Variants in SASH1 observed in about 807,000 individuals in gnomAD.
SASH1 encodes SAM and SH3 domain containing 1, also known as SAM and SH3 domain-containing protein 1.
A neutral mutation model predicts 125.2 loss-of-function variants in SASH1; 44 were observed. That is an observed-to-expected ratio of 0.35 (90% CI 0.28 to 0.45). The LOEUF is 0.45. SASH1 is among the 20% of genes least tolerant of loss of function. SASH1 has a pLI of 1.00. For missense variants in SASH1, 1,426 were observed against 1,614.5 expected (o/e 0.88, Z 2.00); for synonymous variants, 639 against 649.1 (o/e 0.98, Z 0.24).
rs1388780458 is a variant in SASH1, at chr6:148,542,874, G to GTA, written c.2210-805_2210-804insAT. ...ACAGTGTGTGTGTGTGTGTGTGTGT[G>GTA]TGTGTGCGCGCGCACATGTAAGTAC... On this transcript the variant is annotated intron_variant, in intron 17 of 19. Coordinates refer to ENST00000367467, the MANE Select transcript of SASH1 (RefSeq NM_015278.5). Among the ~76,000 whole-genome samples, 17 of 151,752 alleles carry GTA rather than the reference G, an allele frequency of 1.1e-4. 1 individual carries two copies. The East Asian group carries it at 2.5e-3, about 23-fold the overall frequency.
intron 1 of SASH1, 137 bp downstream of exon 1, chr6:148,343,360 G>A (rs975682927): frequency 3.3e-5 from 23 of 703,832 alleles, no homozygotes; most frequent in African/African-American, 3.1e-4. Context: ...GTTCTTAGGG[G>A]GCTAAATACA....
At chr6:148,456,366 G>C (rs1431078232) in intron 4 of SASH1, among the ~76,000 whole-genome samples, 1 of 152,182 alleles carries the variant, frequency 6.6e-6, no homozygotes, top group Non-Finnish European at 1.5e-5. Flanking sequence ...TCTCACAGCA[G>C]CTCTTAACCT....
At chr6:148,379,092 T>A (rs935931615) in intron 1 of SASH1, among the ~76,000 whole-genome samples, 1 of 152,190 alleles carries the variant, frequency 6.6e-6, no homozygotes, top group African/African-American at 2.4e-5. Context: ...TGTGGTTTGG[T>A]TTTCATTGAA....
the SASH1 span, among the ~76,000 whole-genome samples, chr6:148,243,137 G>A: frequency 7.8e-4 from 118 of 152,092 alleles, no homozygotes; most frequent in Admixed American, 6.5e-4. Context: ...CCAACATGGC[G>A]AAAACCCATC....
chr6:148,535,334 C>G (rs1207629266), intron 16 of SASH1, among the ~76,000 whole-genome samples: 2 of 152,180 alleles, frequency 1.3e-5, no homozygotes, highest in Non-Finnish European at 2.9e-5. Flanking sequence ...ACTCCACTTT[C>G]AGTACTTTTG....
chr6:148,200,602 G>A, the SASH1 span, among the ~76,000 whole-genome samples: 1 of 152,190 alleles, frequency 6.6e-6, no homozygotes, highest in Non-Finnish European at 1.5e-5. Context: ...CAATGTGAAG[G>A]TCAACCTCTT....
chr6:148,469,878 T>C (rs1432692702), intron 5 of SASH1, among the ~76,000 whole-genome samples: 2 of 151,508 alleles, frequency 1.3e-5, no homozygotes, highest in Non-Finnish European at 2.9e-5. Context: ...ATACAAAAAT[T>C]AGCTGGGCGT....
At chr6:148,535,853 A>AAAAG (rs1433966313) in intron 16 of SASH1, among the ~76,000 whole-genome samples, 2 of 152,220 alleles carry the variant, frequency 1.3e-5, no homozygotes, top group Non-Finnish European at 2.9e-5. Flanking sequence ...TTCTGTTGCT[A>AAAAG]AAAGACACAC....
At chr6:148,344,172 A>G (rs1054996074) in intron 1 of SASH1, among the ~76,000 whole-genome samples, 2 of 152,198 alleles carry the variant, frequency 1.3e-5, no homozygotes, top group Non-Finnish European at 2.9e-5. Context: ...AGTAAGTTAT[A>G]CTAGGTCAAA....
chr6:148,392,585 T>G (rs1316490879), intron 2 of SASH1, among the ~76,000 whole-genome samples: 1 of 152,242 alleles, frequency 6.6e-6, no homozygotes, highest in Non-Finnish European at 1.5e-5. Flanking sequence ...TGTTCTTATG[T>G]ACTATTATTT....
At chr6:148,537,562 T>G (rs987317017) in intron 16 of SASH1, among the ~76,000 whole-genome samples, 1 of 131,492 alleles carries the variant, frequency 7.6e-6, no homozygotes, top group African/African-American at 2.5e-5. Context: ...CAAACAAACA[T>G]ATGCATGCAC....
chr6:148,218,032 T>TA, the SASH1 span, among the ~76,000 whole-genome samples: 14 of 146,724 alleles, frequency 9.5e-5, no homozygotes, highest in African/African-American at 2.8e-4. Context: ...AAAAAATAAA[T>TA]AAAAAAAATG....
chr6:148,297,485 G>A (rs1054865648), intron 1 of SASH1, among the ~76,000 whole-genome samples: 2 of 152,136 alleles, frequency 1.3e-5, no homozygotes, highest in Non-Finnish European at 2.9e-5. Context: ...TGTAAATAAT[G>A]AATATTTTTT....
chr6:148,290,015 G>T (rs1401391798), intron 1 of SASH1, among the ~76,000 whole-genome samples: 1 of 151,478 alleles, frequency 6.6e-6, no homozygotes, highest in East Asian at 2.0e-4. Flanking sequence ...TTACAGGTAT[G>T]CACCACCATG....
intron 8 of SASH1, among the ~76,000 whole-genome samples, chr6:148,494,596 C>T (rs1779240488): frequency 6.6e-6 from 1 of 152,100 alleles, no homozygotes; most frequent in South Asian, 2.1e-4. Flanking sequence ...CACTGCTCTC[C>T]AGCCTGGCGA....
At chr6:148,359,589 G>A (rs4896996) in intron 1 of SASH1, among the ~76,000 whole-genome samples, 137,553 of 152,118 alleles carry the variant, frequency 0.9, 62,187 homozygotes, top group Middle Eastern at 0.93. Context: ...AGGATTTTGG[G>A]TATTCCATAA....
intron 1 of SASH1, among the ~76,000 whole-genome samples, chr6:148,369,800 A>T (rs1393593267): frequency 3.3e-5 from 5 of 151,906 alleles, no homozygotes; most frequent in Non-Finnish European, 1.5e-5. Flanking sequence ...CTAAAAATAC[A>T]AAAATTAGCT....
intron 15 of SASH1, 75 bp from the exon 16 acceptor site, chr6:148,534,676 C>A: frequency 1.4e-6 from 2 of 1,414,096 alleles, no homozygotes; most frequent in South Asian, 1.2e-5. Flanking sequence ...GTGTGGGTTG[C>A]AGGCTAGTTG....
chr6:148,331,541 G>A (rs1199607413), intron 1 of SASH1, among the ~76,000 whole-genome samples: 1 of 152,092 alleles, frequency 6.6e-6, no homozygotes, highest in Non-Finnish European at 1.5e-5. Flanking sequence ...ATGTTGGCCA[G>A]GCTGGTCTCT....
Sources: gnomAD v4.1 joint callset for allele counts (sites outside exome capture counted in the v4.1 genomes callset) on GRCh38, gnomAD v4.1.1 for gene constraint, MANE v1.5 for transcripts, NCBI Gene and HGNC (gene_info 2026-07-23, HGNC 2026-07-21) for gene names.